NR2E1: variants seen among roughly 807,000 people sequenced by gnomAD.
NR2E1 encodes the protein nuclear receptor TLX.
A neutral mutation model predicts 43.6 loss-of-function variants in NR2E1; 5 were observed. That is an observed-to-expected ratio of 0.11 (90% CI 0.06 to 0.24). The LOEUF (loss-of-function observed/expected upper bound fraction) is 0.24. Ranked by LOEUF, NR2E1 falls within the 10% of genes least tolerant of loss-of-function variation. The pLI, the probability that NR2E1 is intolerant of heterozygous loss-of-function variation, is 1.00. For missense variants in NR2E1, 287 were observed against 496.7 expected, an observed-to-expected ratio of 0.58 and a Z score of 4.01; for synonymous variants, 191 against 195.5, an observed-to-expected ratio of 0.98 and a Z score of 0.19.
intron 1 of NR2E1, chr6:108,168,275 C>T: frequency 2.6e-6 from 3 of 1,148,604 alleles, no homozygotes; most frequent in Non-Finnish European, 3.6e-6. Context: ...AAACTGAAGC[C>T]CGTGGGTCTC....
rs1774109860 is a variant in NR2E1, at chr6:108,188,449, C to G, written c.*986C>G. 1 of 151,256 alleles carries G rather than the reference C, an allele frequency of 6.6e-6. No homozygotes were observed. Among genetic ancestry groups the G allele is most frequent in the East Asian group, 2.0e-4 (1 of 5,108 alleles). The allele number at this position is 151,256 out of a possible 1,614,324, so 9.4% of individuals were successfully genotyped here. On this transcript the variant is annotated 3_prime_UTR_variant, in exon 9 of 9. Transcript: ENST00000368986. ...TCTTGACTGATCCATTGCTAACAGCCTGAGACTCTTCAATGCCTTTCCGAA... is the reference window on the plus strand; with the variant it reads ...TCTTGACTGATCCATTGCTAACAGCGTGAGACTCTTCAATGCCTTTCCGAA...
In NR2E1 at chr6:108,188,227, A is replaced by G. The variant is rs917035008; in HGVS notation, c.*764A>G. Reference sequence around the variant, plus strand: ...CTAAAAGAACATAAGTCAAGGGAGGATGAATAAAAACAGCAAAACCAAATA... The same window carrying G: ...CTAAAAGAACATAAGTCAAGGGAGGGTGAATAAAAACAGCAAAACCAAATA... On this transcript the variant is annotated 3_prime_UTR_variant, in exon 9 of 9. Transcript: ENST00000368986. 1.3e-5 allele frequency: 2 copies of G among 152,302 alleles called. No individual in the cohort carries two copies. The highest frequency in any genetic ancestry group is 2.9e-5 in the Non-Finnish European group (2 of 68,152). 9.4% of individuals were successfully genotyped at this position (152,302 alleles called of 1,614,324 possible).
intron 4 of NR2E1, among the ~76,000 whole-genome samples, chr6:108,177,575 G>A (rs998843789): frequency 6.6e-6 from 1 of 152,208 alleles, no homozygotes; most frequent in African/African-American, 2.4e-5. Context: ...TGTATAATAA[G>A]CTCTGGAAAG....
At position 108,187,650 on chromosome 6, in the gene NR2E1, C is replaced by G. The variant is rs538141891; in HGVS notation, c.*187C>G. The G allele has an allele frequency of 1.6e-6, 1 of 632,518 alleles. No homozygotes were observed. The highest frequency in any genetic ancestry group is 2.8e-6 in the Non-Finnish European group (1 of 359,886). 39.2% of individuals were successfully genotyped at this position (632,518 alleles called of 1,614,324 possible). On this transcript the variant is annotated 3_prime_UTR_variant, in exon 9 of 9. Coordinates refer to ENST00000368986, the MANE Select transcript of NR2E1 (RefSeq NM_003269.5). ...ACCTGCCGCCCTGACCAGGATAGGG[C>G]GGGTGGGAAGGAGAGGGGTGCAACA...
At chr6:108,176,173 C>G in intron 3 of NR2E1, 1 of 384,770 alleles carries the variant, frequency 2.6e-6, no homozygotes, top group South Asian at 3.8e-5. Context: ...CAGAGGGTCT[C>G]TGGTTTCCCT....
At chr6:108,167,053 C>A (rs1378410119) in intron 1 of NR2E1, among the ~76,000 whole-genome samples, 1 of 151,976 alleles carries the variant, frequency 6.6e-6, no homozygotes, top group Admixed American at 6.6e-5. Context: ...GCCCACCAGT[C>A]GGATGAGTTG....
chr6:108,176,815 T>C, intron 4 of NR2E1, 77 bp downstream of exon 4: 3 of 1,057,998 alleles, frequency 2.8e-6, no homozygotes, highest in Non-Finnish European at 4.1e-6. Flanking sequence ...CTGAGCTGTG[T>C]GATTGGGGTC....
chr6:108,186,034 A>G (rs143724885), intron 8 of NR2E1, among the ~76,000 whole-genome samples: 84 of 152,346 alleles, frequency 5.5e-4, no homozygotes, highest in African/African-American at 1.9e-3. Context: ...AGGGAAATAG[A>G]GCTGTTGAAA....
chr6:108,179,492 C>CTGTGTGTGTGTGTGTG (rs34907033), intron 5 of NR2E1, among the ~76,000 whole-genome samples: 1 of 131,348 alleles, frequency 7.6e-6, no homozygotes, highest in African/African-American at 2.9e-5. Context: ...TAACCACTTC[C>CTGTGTGTGTGTGTGTG]TGTGTGTGTG....
intron 1 of NR2E1, among the ~76,000 whole-genome samples, chr6:108,167,007 CCT>C (rs1159084597): frequency 2.6e-5 from 4 of 152,100 alleles, no homozygotes. Context: ...CTTGATCCCC[CCT>C]GTCTGGTGCG....
At chr6:108,184,605 C>G (rs1245896613) in intron 8 of NR2E1, among the ~76,000 whole-genome samples, 1 of 152,004 alleles carries the variant, frequency 6.6e-6, no homozygotes, top group Non-Finnish European at 1.5e-5. Context: ...AGGATTTCAG[C>G]AGGGGAGAAG....
At chr6:108,185,606 T>C (rs1289057579) in intron 8 of NR2E1, among the ~76,000 whole-genome samples, 1 of 152,122 alleles carries the variant, frequency 6.6e-6, no homozygotes, top group Non-Finnish European at 1.5e-5. Context: ...CCCAGGCTCA[T>C]CTTGAACTCC....
chr6:108,182,598 A>C, intron 8 of NR2E1, among the ~76,000 whole-genome samples: 1 of 137,068 alleles, frequency 7.3e-6, no homozygotes, highest in African/African-American at 2.9e-5. Flanking sequence ...TCACTCTTTC[A>C]CCCAGGCTGG....
At chr6:108,174,503 G>C (rs772556182) in intron 2 of NR2E1, among the ~76,000 whole-genome samples, 22 of 152,178 alleles carry the variant, frequency 1.4e-4, no homozygotes, top group East Asian at 1.9e-4. Context: ...CGCGACTGGC[G>C]GAAGTTCCCC....
rs772700281 is a variant in NR2E1, at chr6:108,180,760, T to A, written c.740-47T>A. The stretch of plus-strand genomic sequence containing the variant: ...TTTGTCAAAAATCAATATTAAATCA[T>A]GAAAATGCCTTCATATTAGAGTATT... On this transcript the variant is annotated intron_variant, in intron 6 of 8. Transcript: ENST00000368986. The surrounding 1 kb of genome is among the most constrained non-coding windows in gnomAD (Gnocchi z 5.4). 3 of 1,582,416 alleles carry A rather than the reference T, an allele frequency of 1.9e-6. No homozygotes were observed. In the South Asian group the frequency reaches 3.3e-5, roughly 18 times the overall value.
chr6:108,185,396 A>G (rs969872364), intron 8 of NR2E1, among the ~76,000 whole-genome samples: 2 of 115,092 alleles, frequency 1.7e-5, no homozygotes, highest in East Asian at 2.1e-4. Context: ...ACACACACAC[A>G]CGCACACACA....
Position 108,166,805 on chromosome 6 carries a change from G to GGCC in NR2E1, c.25+20_25+22dup. On this transcript the variant is annotated intron_variant, in intron 1 of 8. Transcript: ENST00000368986. The surrounding 1 kb of genome is among the most constrained non-coding windows in gnomAD (Gnocchi z 7.2). ...CGGATCAACAAGTGGGTACCTCTCG[G>GGCC]GCCGCCGTGGGGCCTAGGCGCGCAG... 1 of 1,590,008 alleles carries GGCC rather than the reference G, an allele frequency of 6.3e-7. No individual in the cohort carries two copies. Among genetic ancestry groups the GGCC allele is most frequent in the South Asian group, 1.1e-5 (1 of 87,414 alleles).
At chr6:108,186,333 ATATT>A (rs3831848) in intron 8 of NR2E1, among the ~76,000 whole-genome samples, 103,425 of 151,396 alleles carry the variant, frequency 0.68, 37,034 homozygotes, top group African/African-American at 0.91. Flanking sequence ...CCAGAGCTAA[ATATT>A]TAGACAAGCA....
Position 108,166,801 on chromosome 6 carries a change from C to T in NR2E1, c.25+11C>T, listed in dbSNP as rs753468439. On this transcript the variant is annotated intron_variant, in intron 1 of 8. Coordinates refer to ENST00000368986, the MANE Select transcript of NR2E1 (RefSeq NM_003269.5). This position sits in a 1 kb window ranked among gnomAD's most constrained non-coding sequence, Gnocchi z 7.2. ...CAGCCGGATCAACAAGTGGGTACCT[C>T]TCGGGCCGCCGTGGGGCCTAGGCGC... 9 of 1,590,716 alleles carry T rather than the reference C, an allele frequency of 5.7e-6. No individual in the cohort carries two copies. The Admixed American group carries it at 8.8e-5, about 16-fold the overall frequency.
Sources: allele counts gnomAD v4.1 joint callset (sites outside exome capture counted in the v4.1 genomes callset), GRCh38; gene constraint gnomAD v4.1.1; non-coding constraint Gnocchi (gnomAD v3.1); transcripts MANE v1.5; gene names NCBI Gene and HGNC (gene_info 2026-07-23, HGNC 2026-07-21).